Variants in TPO observed in about 807,000 individuals in gnomAD.
TPO encodes the protein thyroid peroxidase.
In TPO, 78 loss-of-function variants were observed where a neutral mutation model predicts 96.9. The ratio of observed to expected loss-of-function variants is 0.81; its 90% CI spans 0.67 to 0.97. TPO has a LOEUF of 0.97. Ranked by LOEUF, TPO falls within the 50% of genes least tolerant of loss-of-function variation. The pLI, the probability that TPO is intolerant of heterozygous loss-of-function variation, is 0.00. For synonymous variants in TPO, 547 were observed against 538.0 expected (o/e 1.02, Z -0.23); for missense variants, 1,252 against 1,274.8 (o/e 0.98, Z 0.27).
At chr2:1,407,655 C>T (rs1411948215) in intron 1 of TPO, among the ~76,000 whole-genome samples, 1 of 152,188 alleles carries the variant, frequency 6.6e-6, no homozygotes, top group African/African-American at 2.4e-5. Context: ...TCTTAACACA[C>T]AATATAAAAC....
rs1384113762 is a variant in TPO, at chr2:1,441,108, T to C, written c.482+4724T>C. On this transcript the variant is annotated intron_variant, in intron 5 of 16. Coordinates refer to ENST00000329066, the MANE Select transcript of TPO (RefSeq NM_001206744.2). Reference sequence around the variant, plus strand: ...TCATTGCTGCAGGAGCTACCAGTTGTAAATGAATGGAGCAGGCTCCTTCCT... The same window carrying C: ...TCATTGCTGCAGGAGCTACCAGTTGCAAATGAATGGAGCAGGCTCCTTCCT... 4.8e-5 allele frequency among the ~76,000 whole-genome samples: 7 copies of C among 145,744 alleles called. No homozygotes were observed. In the East Asian group the frequency reaches 1.4e-3, roughly 30 times the overall value.
intron 1 of TPO, among the ~76,000 whole-genome samples, chr2:1,380,951 A>C (rs1259702813): frequency 6.6e-6 from 1 of 152,146 alleles, no homozygotes. Context: ...AAGAGAAAAC[A>C]AAGTGAGAGG....
intron 14 of TPO, among the ~76,000 whole-genome samples, chr2:1,512,728 G>C (rs1055623678): frequency 6.6e-6 from 1 of 152,202 alleles, no homozygotes. Flanking sequence ...CCAGGCCGCC[G>C]GTGGAGCCTG....
At chr2:1,446,986 GTGTGTGTGTGTGTA>G (rs1302912711) in intron 5 of TPO, among the ~76,000 whole-genome samples, 2 of 151,510 alleles carry the variant, frequency 1.3e-5, no homozygotes, top group East Asian at 1.9e-4. Context: ...ACCATGAGGG[GTGTGTGTGTGTGTA>G]TGTGTGTGTG....
At chr2:1,408,792 T>C (rs1662284044), upstream of TPO, among the ~76,000 whole-genome samples, 1 of 152,212 alleles carries the variant, frequency 6.6e-6, no homozygotes, top group Non-Finnish European at 1.5e-5. Context: ...ATGCAACTTT[T>C]CAATGAAGCA....
intron 14 of TPO, among the ~76,000 whole-genome samples, chr2:1,505,915 GGTTT>G (rs1673405013): frequency 6.6e-6 from 1 of 151,190 alleles, no homozygotes; most frequent in African/African-American, 2.4e-5. Flanking sequence ...ACAACGTGCA[GGTTT>G]GTTACATATG....
rs370646349 is a variant in TPO, at chr2:1,433,475, C to A, written c.217C>A (p.Leu73Ile). ...AAGAGGAATCCTTTCTCCAGCTCAG[C>A]TTCTGTCTTTTTCCAAACTTCCTGA... ...KKRGILSPAQ[L>I]LSFSKLPEPT... The change falls in exon 4 of 17, where the codon CTT (leucine) becomes ATT (isoleucine). Residue 73 changes from leucine (L) to isoleucine (I), a missense_variant. By Grantham distance (5) the Leu-to-Ile change is conservative. Transcript: ENST00000329066. 1 of 1,614,076 alleles carries A rather than the reference C, an allele frequency of 6.2e-7. No individual in the cohort carries two copies. Among genetic ancestry groups the A allele is most frequent in the African/African-American group, 1.3e-5 (1 of 74,912 alleles).
intron 15 of TPO, among the ~76,000 whole-genome samples, chr2:1,537,046 C>CAACCACCCCAAACCCCCCACAGTTTGA (rs1558439869): frequency 1.2e-3 from 24 of 19,210 alleles, no homozygotes; most frequent in African/African-American, 7.3e-3. Context: ...CCACTGTGTG[C>CAACCACCCCAAACCCCCCACAGTTTGA]AACCTCCCCA....
intron 1 of TPO, among the ~76,000 whole-genome samples, chr2:1,389,690 A>G (rs112713549): frequency 3.7e-3 from 562 of 152,208 alleles, no homozygotes; most frequent in African/African-American, 0.013. Flanking sequence ...CCTGCCACTG[A>G]TAATCCATTG....
chr2:1,416,904 C>A (rs1294370265), intron 2 of TPO, among the ~76,000 whole-genome samples: 1 of 152,238 alleles, frequency 6.6e-6, no homozygotes, highest in Non-Finnish European at 1.5e-5. Flanking sequence ...AGCGGCAGGG[C>A]CAAGAGGATC....
At chr2:1,412,984 C>T (rs1280779404), upstream of TPO, among the ~76,000 whole-genome samples, 1 of 151,926 alleles carries the variant, frequency 6.6e-6, no homozygotes, top group Admixed American at 6.6e-5. Flanking sequence ...TTCACCTCAA[C>T]AAATTGGAAA....
intron 15 of TPO, among the ~76,000 whole-genome samples, chr2:1,532,939 G>T (rs1678655578): frequency 9.1e-6 from 1 of 110,046 alleles, no homozygotes; most frequent in Non-Finnish European, 1.7e-5. Context: ...CCCCCACTAT[G>T]TGCAACCTCC....
rs1674776662 is a variant in TPO at position 1,516,938 on chromosome 2, G to T, written c.2574G>T (p.Leu858=). 8.7e-6 allele frequency: 14 copies of T among 1,613,908 alleles called. No individual in the cohort carries two copies. Among genetic ancestry groups the T allele is most frequent in the Non-Finnish European group, 1.2e-5 (14 of 1,180,052 alleles). Residue 858 remains leucine (L), a synonymous_variant, in exon 15 of 17, where the codon CTG becomes CTT. Coordinates refer to ENST00000329066, the MANE Select transcript of TPO (RefSeq NM_001206744.2). The part of the protein sequence containing the change: ...TWISMSLAAL[L]IGGFAGLTST... ...TCTCCATGTCGCTGGCTGCTCTGCT[G>T]ATCGGAGGCTTCGCAGGTCTCACCT... is the stretch of plus-strand genomic sequence containing the variant.
rs758380839 is a variant in TPO, at chr2:1,423,064, T to A, written c.114T>A (p.Arg38=). The A allele has an allele frequency of 2.2e-5, 36 of 1,614,094 alleles. No homozygotes were observed. The highest frequency in any genetic ancestry group is 2.6e-5 in the Non-Finnish European group (31 of 1,180,038). Residue 38 remains arginine (R), a synonymous_variant, in exon 3 of 17, where the codon CGT becomes CGA. Transcript: ENST00000329066. ...ELLWGKPEES[R]VSSVLEESKR... is the part of the protein sequence containing the mutation. ...CCGTAGGAAAGCCTGAGGAGTCTCG[T>A]GTCTCTAGCGTCTTGGAGGAAAGCA...
In TPO at chr2:1,496,204, T is replaced by G; in HGVS notation, c.2215+7T>G. On this transcript the variant is annotated splice_region_variant and intron_variant, in intron 12 of 16. Coordinates refer to ENST00000329066, the MANE Select transcript of TPO (RefSeq NM_001206744.2). ...AGGGAAACCTTTCCTCAAGGTGAAGTTCGGTCTCCTCTCACACCACGTTAC... is the reference window on the plus strand; with the variant it reads ...AGGGAAACCTTTCCTCAAGGTGAAGGTCGGTCTCCTCTCACACCACGTTAC... 1 of 1,613,376 alleles carries G rather than the reference T, an allele frequency of 6.2e-7. No individual in the cohort carries two copies. The highest frequency in any genetic ancestry group is 1.6e-4 in the Middle Eastern group (1 of 6,062).
intron 1 of TPO, 130 bp from the exon 2 acceptor site, chr2:1,414,278 G>C (rs151296128): frequency 5.7e-5 from 49 of 863,220 alleles, no homozygotes; most frequent in Non-Finnish European, 9.0e-5. Context: ...GCCTGTGAGG[G>C]TCGCTCACTG....
intron 15 of TPO, among the ~76,000 whole-genome samples, chr2:1,535,206 C>G (rs1379717877): frequency 2.4e-5 from 3 of 125,770 alleles, no homozygotes; most frequent in Non-Finnish European, 4.9e-5. Flanking sequence ...GCAACCTCAT[C>G]AATTTCCCCC....
chr2:1,460,061 G>A (rs375958555), intron 7 of TPO, among the ~76,000 whole-genome samples: 88 of 151,742 alleles, frequency 5.8e-4, no homozygotes, highest in African/African-American at 2.1e-3. Flanking sequence ...TCAGCATCCT[G>A]AGTAGCTGGG....
chr2:1,430,717 C>T (rs1363913029), intron 3 of TPO, among the ~76,000 whole-genome samples: 3 of 152,242 alleles, frequency 2.0e-5, no homozygotes, highest in Non-Finnish European at 4.4e-5. Flanking sequence ...CACCAGGGTA[C>T]AGGACACGGA....
Sources: gnomAD v4.1 joint callset for allele counts (sites outside exome capture counted in the v4.1 genomes callset) on GRCh38, gnomAD v4.1.1 for gene constraint, MANE v1.5 for transcripts, NCBI Gene and HGNC (gene_info 2026-07-23, HGNC 2026-07-21) for gene names.